The following RAPGEF2 variants were observed in gnomAD, a reference collection of about 807,000 sequenced individuals.
RAPGEF2 encodes the protein Rap guanine nucleotide exchange factor 2.
Under a neutral mutation model 186.7 loss-of-function variants are expected in RAPGEF2, and 54 were observed. The ratio of observed to expected loss-of-function variants is 0.29; its 90% confidence interval spans 0.23 to 0.36. The LOEUF (loss-of-function observed/expected upper bound fraction) is 0.36, where lower values mean the gene tolerates loss of function less well. RAPGEF2 is among the 10% of genes least tolerant of loss of function. The pLI, the probability that RAPGEF2 is intolerant of heterozygous loss-of-function variation, is 1.00. For synonymous variants in RAPGEF2, 712 were observed against 705.9 expected (o/e 1.01, Z -0.14); for missense variants, 1,532 against 2,045.0 (o/e 0.75, Z 4.84).
chr4:159,130,590 A>G (rs948115795), intron 1 of RAPGEF2, among the ~76,000 whole-genome samples: 1 of 152,224 alleles, frequency 6.6e-6, no homozygotes, highest in African/African-American at 2.4e-5. Flanking sequence ...GTCTAATTTT[A>G]TTAAAATTAA....
chr4:159,358,178 A>G lies in RAPGEF2; in HGVS notation c.*39A>G. 1 of 1,600,356 alleles carries G rather than the reference A, an allele frequency of 6.2e-7. No individual in the cohort carries two copies. The highest frequency in any genetic ancestry group is 1.7e-4 in the Middle Eastern group (1 of 6,044). On this transcript the variant is annotated 3_prime_UTR_variant, in exon 30 of 30. Coordinates refer to ENST00000691494, the MANE Select transcript of RAPGEF2 (RefSeq NM_001394067.2). Reference sequence around the variant, plus strand: ...CTGGAAGCAGAGCGAGCCACCTGAAAGGAGAGCACAAGAAGACGTCCTGAG... The same window carrying G: ...CTGGAAGCAGAGCGAGCCACCTGAAGGGAGAGCACAAGAAGACGTCCTGAG...
chr4:159,312,248 T>G (rs558717314), intron 8 of RAPGEF2, among the ~76,000 whole-genome samples: 1 of 152,202 alleles, frequency 6.6e-6, no homozygotes, highest in Admixed American at 6.5e-5. Context: ...CTTTCTTCAC[T>G]CTATGCTAAT....
chr4:159,215,203 C>T (rs1023420573), intron 4 of RAPGEF2, among the ~76,000 whole-genome samples: 2 of 151,964 alleles, frequency 1.3e-5, no homozygotes, highest in Middle Eastern at 3.4e-3. Context: ...GACAGGGTCT[C>T]AGTCTGTCAT....
Position 159,186,658 on chromosome 4 carries a change from A to G in RAPGEF2, c.86A>G (p.Tyr29Cys). The G allele has an allele frequency of 1.4e-6, 2 of 1,454,044 alleles. No individual in the cohort carries two copies. The highest frequency in any genetic ancestry group is 1.3e-5 in the South Asian group (1 of 76,166). The allele number at this position is 1,454,044 out of a possible 1,614,324, so 90.1% of individuals were successfully genotyped here. A position where few individuals can be genotyped will look rare whatever the true frequency, so the allele number is the denominator to read the frequency against. The change falls in exon 2 of 30, where the codon TAT becomes TGT. Residue 29 changes from tyrosine to cysteine, a missense_variant. Tyr to Cys is a radical substitution (Grantham distance 194). This residue lies in a region of RAPGEF2 where 810 missense variants were observed against 1,210.5 expected (regional missense o/e 0.67). Coordinates refer to ENST00000691494, the MANE Select transcript of RAPGEF2 (RefSeq NM_001394067.2). ...TTGAAACAGGATCTGGAAATAGTAT[A>G]TTCCTATTTACATGGTATGGAAGCC... ...ERTPQDLEIV[Y>C]SYLHGMEALS...
chr4:159,175,781 A>G (rs1356721809), intron 1 of RAPGEF2, among the ~76,000 whole-genome samples: 1 of 152,202 alleles, frequency 6.6e-6, no homozygotes, highest in Non-Finnish European at 1.5e-5. Flanking sequence ...CGTAACACAC[A>G]GATTGAAAAC....
At chr4:159,148,562 T>C (rs765971986) in intron 1 of RAPGEF2, among the ~76,000 whole-genome samples, 2 of 152,200 alleles carry the variant, frequency 1.3e-5, no homozygotes, top group African/African-American at 2.4e-5. Context: ...TTAACACATA[T>C]GGTGGTCCAT....
chr4:159,163,939 A>G (rs1744991845), intron 1 of RAPGEF2, among the ~76,000 whole-genome samples: 1 of 152,172 alleles, frequency 6.6e-6, no homozygotes, highest in Non-Finnish European at 1.5e-5. Flanking sequence ...GCTACTTGTG[A>G]GGTTTCATAA....
intron 7 of RAPGEF2, among the ~76,000 whole-genome samples, chr4:159,289,061 T>A (rs891352462): frequency 1.3e-5 from 2 of 152,296 alleles, no homozygotes; most frequent in Admixed American, 6.5e-5. Flanking sequence ...AATCTTTTTT[T>A]AAAATTTTTT....
At chr4:159,236,120 G>T (rs1753225873) in intron 4 of RAPGEF2, among the ~76,000 whole-genome samples, 1 of 152,152 alleles carries the variant, frequency 6.6e-6, no homozygotes, top group Admixed American at 6.5e-5. Flanking sequence ...TTTCCATTCA[G>T]CTTATTCAAT....
At chr4:159,282,756 G>A (rs1261614156) in intron 7 of RAPGEF2, 2 of 366,866 alleles carry the variant, frequency 5.5e-6, no homozygotes, top group East Asian at 8.4e-5. Context: ...TAGAAGCATG[G>A]GATTTGGGGC....
At chr4:159,160,442 C>G (rs1255052728) in intron 1 of RAPGEF2, among the ~76,000 whole-genome samples, 1 of 152,196 alleles carries the variant, frequency 6.6e-6, no homozygotes, top group Non-Finnish European at 1.5e-5. Context: ...AAGCTTCAAA[C>G]CCATCTGTTT....
At chr4:159,195,880 T>G (rs1036932239) in intron 3 of RAPGEF2, among the ~76,000 whole-genome samples, 1 of 53,512 alleles carries the variant, frequency 1.9e-5, no homozygotes, top group Non-Finnish European at 3.8e-5. Flanking sequence ...TACCTGTTTT[T>G]TTTTTTTTTT....
At chr4:159,121,741 G>C (rs2111097206) in intron 1 of RAPGEF2, among the ~76,000 whole-genome samples, 1 of 151,988 alleles carries the variant, frequency 6.6e-6, no homozygotes, top group African/African-American at 2.4e-5. Context: ...TAGAAATGTA[G>C]GTTATGGAGC....
At chr4:159,233,906 A>T (rs1280880796) in intron 4 of RAPGEF2, among the ~76,000 whole-genome samples, 1 of 151,898 alleles carries the variant, frequency 6.6e-6, no homozygotes, top group East Asian at 1.9e-4. Context: ...CACTATTTTG[A>T]TTACTGTAGC....
chr4:159,196,364 G>T (rs868266275), intron 3 of RAPGEF2, among the ~76,000 whole-genome samples: 3 of 152,206 alleles, frequency 2.0e-5, no homozygotes, highest in African/African-American at 7.2e-5. Flanking sequence ...TGACTTGTTT[G>T]TTCTTGTTCT....
At position 159,209,083 on chromosome 4, in the gene RAPGEF2, G is replaced by A. The variant is rs182866257; in HGVS notation, c.198-1417G>A. ...TTTTTTGTATTTTTAGTAGAGACGG[G>A]GTTTCACCACGTTGGCCAGGCTGGT... On this transcript the variant is annotated intron_variant, in intron 3 of 29. Transcript: ENST00000691494. Among the ~76,000 whole-genome samples the A allele has an allele frequency of 3.4e-3, 510 of 151,596 alleles. 3 individuals carry two copies. Among genetic ancestry groups the A allele is most frequent in the African/African-American group, 0.012 (478 of 41,256 alleles).
At chr4:159,294,138 T>C (rs1296938299) in intron 7 of RAPGEF2, among the ~76,000 whole-genome samples, 1 of 152,200 alleles carries the variant, frequency 6.6e-6, no homozygotes, top group Non-Finnish European at 1.5e-5. Flanking sequence ...AGTTAAAAAT[T>C]AATTATGGGT....
At chr4:159,340,779 CCACACACACACACA>C (rs10562531) in intron 19 of RAPGEF2, among the ~76,000 whole-genome samples, 8 of 106,098 alleles carry the variant, frequency 7.5e-5, no homozygotes, top group African/African-American at 1.2e-4. Context: ...ACCACCATCA[CCACACACACACACA>C]CACACACACA....
chr4:159,178,197 T>A (rs1185600981), intron 1 of RAPGEF2, among the ~76,000 whole-genome samples: 1 of 152,208 alleles, frequency 6.6e-6, no homozygotes, highest in Non-Finnish European at 1.5e-5. Flanking sequence ...TTTCTCATGC[T>A]GCAGTGGAAC....
Sources: gnomAD v4.1 joint callset for allele counts (sites outside exome capture counted in the v4.1 genomes callset) on GRCh38, gnomAD v4.1.1 for gene constraint, gnomAD v4.1.1 regional missense constraint, MANE v1.5 for transcripts, NCBI Gene and HGNC (gene_info 2026-07-23, HGNC 2026-07-21) for gene names.